Variants in SNTG1 observed in about 807,000 individuals in gnomAD.
The protein encoded by SNTG1 is syntrophin gamma 1.
SNTG1 carries 39 observed loss-of-function variants against 74.7 expected under a neutral mutation model. The ratio of observed to expected loss-of-function variants is 0.52; its 90% CI spans 0.40 to 0.68. SNTG1 has a LOEUF of 0.68. Among genes scored for constraint, SNTG1 ranks in the 30% least tolerant of loss-of-function variants. SNTG1 has a pLI of 0.00. For synonymous variants in SNTG1, 254 were observed against 217.1 expected, an observed-to-expected ratio of 1.17 and a Z score of -1.49; for missense variants, 685 against 609.5, an observed-to-expected ratio of 1.12 and a Z score of -1.30.
At chr8:50,513,529 G>A (rs1049965469) in intron 9 of SNTG1, among the ~76,000 whole-genome samples, 2 of 152,242 alleles carry the variant, frequency 1.3e-5, no homozygotes, top group Non-Finnish European at 2.9e-5. Context: ...GCCTACAAAG[G>A]CAGGCAGGCC....
intron 2 of SNTG1, among the ~76,000 whole-genome samples, chr8:50,213,078 C>T (rs918396606): frequency 6.6e-6 from 1 of 152,176 alleles, no homozygotes; most frequent in East Asian, 1.9e-4. Flanking sequence ...TTGCAGTGTT[C>T]ACATATATCA....
At chr8:50,221,111 T>A (rs921719261) in intron 2 of SNTG1, among the ~76,000 whole-genome samples, 1 of 152,152 alleles carries the variant, frequency 6.6e-6, no homozygotes, top group African/African-American at 2.4e-5. Context: ...TCATTAAAAC[T>A]CCTATATATT....
intron 15 of SNTG1, among the ~76,000 whole-genome samples, chr8:50,669,015 A>G (rs114267520): frequency 0.025 from 3,861 of 152,102 alleles, 170 homozygotes; most frequent in African/African-American, 0.088. Flanking sequence ...ATTTAAAAGA[A>G]TCTCTGGGAC....
At chr8:50,573,307 A>G (rs987887282) in intron 12 of SNTG1, among the ~76,000 whole-genome samples, 1 of 152,090 alleles carries the variant, frequency 6.6e-6, no homozygotes, top group Non-Finnish European at 1.5e-5. Flanking sequence ...TTTAAGAAAC[A>G]GGACAATATT....
chr8:50,148,220 T>C (rs1174642665), intron 1 of SNTG1, among the ~76,000 whole-genome samples: 1 of 152,076 alleles, frequency 6.6e-6, no homozygotes, highest in Non-Finnish European at 1.5e-5. Context: ...TAAAAATGAT[T>C]ATGAATATAA....
At chr8:50,071,295 C>G (rs1371943896) in intron 1 of SNTG1, among the ~76,000 whole-genome samples, 1 of 152,126 alleles carries the variant, frequency 6.6e-6, no homozygotes, top group South Asian at 2.1e-4. Context: ...AAAGCCTAGG[C>G]TCAAGCTATT....
At chr8:50,154,454 C>G (rs924529658) in intron 1 of SNTG1, among the ~76,000 whole-genome samples, 3 of 152,110 alleles carry the variant, frequency 2.0e-5, no homozygotes, top group Non-Finnish European at 2.9e-5. Flanking sequence ...CACTGTCCAA[C>G]GTGCCCCAGT....
At chr8:50,293,279 C>T (rs2089204575) in intron 2 of SNTG1, among the ~76,000 whole-genome samples, 2 of 152,094 alleles carry the variant, frequency 1.3e-5, no homozygotes, top group Non-Finnish European at 2.9e-5. Context: ...AGGCCTCTCT[C>T]CTTGCTTGAA....
intron 1 of SNTG1, among the ~76,000 whole-genome samples, chr8:50,038,122 T>G (rs7837650): frequency 0.033 from 4,996 of 152,292 alleles, 287 homozygotes; most frequent in African/African-American, 0.11. Context: ...TTTGTCCTGT[T>G]CTGGTCCTCC....
At chr8:50,265,530 A>G (rs992915822) in intron 2 of SNTG1, among the ~76,000 whole-genome samples, 1 of 152,096 alleles carries the variant, frequency 6.6e-6, no homozygotes, top group Non-Finnish European at 1.5e-5. Context: ...TTAATAATGA[A>G]AAACCAAAGC....
chr8:50,739,548 C>A (rs760444941), intron 17 of SNTG1, among the ~76,000 whole-genome samples: 1 of 152,042 alleles, frequency 6.6e-6, no homozygotes, highest in Non-Finnish European at 1.5e-5. Context: ...TTTGACCCAG[C>A]AATCCATTAC....
chr8:50,181,373 C>T (rs74937307), intron 2 of SNTG1, among the ~76,000 whole-genome samples: 2 of 152,042 alleles, frequency 1.3e-5, no homozygotes, highest in Non-Finnish European at 2.9e-5. Flanking sequence ...TTATTAATTG[C>T]TTTAATATAA....
chr8:50,113,038 C>T (rs2080664125), intron 1 of SNTG1, among the ~76,000 whole-genome samples: 1 of 152,112 alleles, frequency 6.6e-6, no homozygotes, highest in South Asian at 2.1e-4. Context: ...ATGCCTCCAG[C>T]TTTGTTCTTT....
chr8:50,318,279 A>T (rs1325899791), intron 2 of SNTG1, among the ~76,000 whole-genome samples: 2 of 111,976 alleles, frequency 1.8e-5, no homozygotes, highest in Non-Finnish European at 4.2e-5. Context: ...GTGTAAAAGA[A>T]TGTTTGAAGG....
chr8:50,778,164 C>A (rs1475121541), intron 18 of SNTG1, among the ~76,000 whole-genome samples: 1 of 152,080 alleles, frequency 6.6e-6, no homozygotes, highest in African/African-American at 2.4e-5. Context: ...AATAAACATA[C>A]GTGTGCATGT....
intron 1 of SNTG1, among the ~76,000 whole-genome samples, chr8:50,087,652 T>C (rs1823020730): frequency 6.6e-6 from 1 of 152,158 alleles, no homozygotes; most frequent in African/African-American, 2.4e-5. Flanking sequence ...CTTAATAACT[T>C]TCCTTATTTC....
chr8:50,311,181 G>T (rs1240403984), intron 2 of SNTG1, among the ~76,000 whole-genome samples: 1 of 152,172 alleles, frequency 6.6e-6, no homozygotes, highest in African/African-American at 2.4e-5. Flanking sequence ...TAAGGTTTGT[G>T]TTCCCTCTGT....
intron 13 of SNTG1, among the ~76,000 whole-genome samples, chr8:50,598,884 A>C (rs1449632243): frequency 1.3e-5 from 2 of 152,030 alleles, no homozygotes; most frequent in Non-Finnish European, 2.9e-5. Context: ...CTATTGGTGT[A>C]GGGAAATACT....
chr8:50,327,676 A>G (rs1369895353), intron 2 of SNTG1, among the ~76,000 whole-genome samples: 2 of 152,146 alleles, frequency 1.3e-5, no homozygotes, highest in East Asian at 1.9e-4. Flanking sequence ...ATACCATTAG[A>G]TAAATGTCTA....
Sources: gnomAD v4.1 joint callset for allele counts (sites outside exome capture counted in the v4.1 genomes callset) on GRCh38, gnomAD v4.1.1 for gene constraint, MANE v1.5 for transcripts, NCBI Gene and HGNC (gene_info 2026-07-23, HGNC 2026-07-21) for gene names.